DOK6: variants seen among roughly 807,000 people sequenced by gnomAD.
DOK6 encodes downstream of tyrosine kinase 6.
DOK6 carries 22 observed loss-of-function variants against 44.0 expected under a neutral mutation model. That is an observed-to-expected ratio of 0.50 (90% CI 0.36 to 0.71). The LOEUF is 0.71. Among genes scored for constraint, DOK6 ranks in the 30% least tolerant of loss-of-function variants. DOK6 has a pLI of 0.00. For missense variants in DOK6, 340 were observed against 416.4 expected (o/e 0.82, Z 1.60); for synonymous variants, 166 against 145.5 (o/e 1.14, Z -1.01).
chr18:69,575,112 T>C (rs1983209210), intron 2 of DOK6, among the ~76,000 whole-genome samples: 1 of 152,042 alleles, frequency 6.6e-6, no homozygotes, highest in Non-Finnish European at 1.5e-5. Context: ...TTTATACAAA[T>C]AAAACTTTTT....
chr18:69,557,899 C>A (rs1448941282), intron 1 of DOK6, among the ~76,000 whole-genome samples: 1 of 152,008 alleles, frequency 6.6e-6, no homozygotes, highest in Admixed American at 6.6e-5. Context: ...TTGAGATGCC[C>A]TTGAAAGCCA....
At chr18:69,431,337 A>AATC (rs1451877231) in intron 1 of DOK6, among the ~76,000 whole-genome samples, 2 of 152,206 alleles carry the variant, frequency 1.3e-5, no homozygotes, top group African/African-American at 4.8e-5. Context: ...CCCTTATCTG[A>AATC]ATCTCTGCAC....
intron 7 of DOK6, among the ~76,000 whole-genome samples, chr18:69,815,898 A>G (rs4891776): frequency 0.86 from 131,140 of 152,062 alleles, 58,119 homozygotes; most frequent in Non-Finnish European, 0.97. Flanking sequence ...GTATATTTAC[A>G]TAAAGATCAT....
intron 7 of DOK6, among the ~76,000 whole-genome samples, chr18:69,775,000 C>G (rs1340342175): frequency 6.6e-6 from 1 of 151,478 alleles, no homozygotes. Context: ...AACAGCAAAC[C>G]AGATTGACAT....
chr18:69,714,724 A>C (rs2144718332), intron 5 of DOK6, among the ~76,000 whole-genome samples: 1 of 152,360 alleles, frequency 6.6e-6, no homozygotes, highest in East Asian at 1.9e-4. Context: ...ATTTAGAAGG[A>C]AATTTTGCAA....
chr18:69,785,065 T>TGATGA (rs1980389944), intron 7 of DOK6, among the ~76,000 whole-genome samples: 1 of 152,180 alleles, frequency 6.6e-6, no homozygotes, highest in South Asian at 2.1e-4. Flanking sequence ...TGACGGTCTG[T>TGATGA]GATGACTTGC....
At chr18:69,724,617 T>C (rs1978297116) in intron 5 of DOK6, among the ~76,000 whole-genome samples, 1 of 152,174 alleles carries the variant, frequency 6.6e-6, no homozygotes, top group South Asian at 2.1e-4. Context: ...TGGTGCTGGG[T>C]TGAGAAAAGT....
chr18:69,404,017 A>G (rs1916151104), intron 1 of DOK6, among the ~76,000 whole-genome samples: 1 of 152,246 alleles, frequency 6.6e-6, no homozygotes, highest in Non-Finnish European at 1.5e-5. Context: ...TTGAACATGC[A>G]TAGATATTTG....
intron 1 of DOK6, among the ~76,000 whole-genome samples, chr18:69,470,450 G>A (rs1440387545): frequency 6.6e-6 from 1 of 152,130 alleles, no homozygotes; most frequent in Non-Finnish European, 1.5e-5. Flanking sequence ...GGAGTGGGTG[G>A]GAACCAAACA....
At chr18:69,459,790 G>C (rs1465461466) in intron 1 of DOK6, among the ~76,000 whole-genome samples, 1 of 152,132 alleles carries the variant, frequency 6.6e-6, no homozygotes, top group African/African-American at 2.4e-5. Flanking sequence ...TACTTTTGGT[G>C]CTTGGCTTGA....
intron 7 of DOK6, among the ~76,000 whole-genome samples, chr18:69,770,097 A>G (rs2144765144): frequency 6.6e-6 from 1 of 152,168 alleles, no homozygotes; most frequent in East Asian, 1.9e-4. Flanking sequence ...GATCGTTAGG[A>G]GTGGCGTTTT....
chr18:69,847,419 A>G lies in DOK6; in HGVS notation c.*6036A>G, dbSNP rs377556741. On this transcript the variant is annotated 3_prime_UTR_variant, in exon 8 of 8. Transcript: ENST00000382713. Reference sequence around the variant, plus strand: ...TTGAATTGTTCTATTAATTCCCTCAAGAGACCCACAGCCTCAAAAGAGTTG... The same window carrying G: ...TTGAATTGTTCTATTAATTCCCTCAGGAGACCCACAGCCTCAAAAGAGTTG... The G allele has an allele frequency of 6.6e-6, 1 of 152,212 alleles. No individual in the cohort carries two copies. The highest frequency in any genetic ancestry group is 2.4e-5 in the African/African-American group (1 of 41,450). The allele number at this position is 152,212 out of a possible 1,614,324, so 9.4% of individuals were successfully genotyped here.
chr18:69,728,852 A>G (rs1294448030), intron 5 of DOK6, among the ~76,000 whole-genome samples: 2 of 152,224 alleles, frequency 1.3e-5, no homozygotes, highest in Non-Finnish European at 2.9e-5. Context: ...GCAAACACAA[A>G]AACAGAAGAA....
At chr18:69,495,946 A>G (rs1020302360) in intron 1 of DOK6, among the ~76,000 whole-genome samples, 1 of 152,182 alleles carries the variant, frequency 6.6e-6, no homozygotes, top group Non-Finnish European at 1.5e-5. Flanking sequence ...CTGAGATTTG[A>G]GCGGGTGCCG....
chr18:69,625,577 G>C (rs1276347442), intron 3 of DOK6, among the ~76,000 whole-genome samples: 1 of 152,198 alleles, frequency 6.6e-6, no homozygotes, highest in Non-Finnish European at 1.5e-5. Flanking sequence ...TAAGGTTCAT[G>C]TGTGTAAGTT....
chr18:69,663,985 C>T (rs1985593711), intron 3 of DOK6, among the ~76,000 whole-genome samples: 2 of 151,856 alleles, frequency 1.3e-5, no homozygotes, highest in South Asian at 2.1e-4. Context: ...TTTCATAAGC[C>T]GTTAATTTTT....
At chr18:69,807,416 CA>C (rs1031541023) in intron 7 of DOK6, among the ~76,000 whole-genome samples, 5 of 151,794 alleles carry the variant, frequency 3.3e-5, no homozygotes, top group African/African-American at 9.7e-5. Flanking sequence ...AAACAATTAG[CA>C]AAATAGCAGT....
At chr18:69,651,985 A>G (rs1254002533) in intron 3 of DOK6, among the ~76,000 whole-genome samples, 2 of 152,224 alleles carry the variant, frequency 1.3e-5, no homozygotes, top group Admixed American at 1.3e-4. Flanking sequence ...CCAAAAGAGC[A>G]ATGGGAGAAT....
chr18:69,695,388 A>C (rs4891769), intron 4 of DOK6, among the ~76,000 whole-genome samples: 25,399 of 152,230 alleles, frequency 0.17, 2,443 homozygotes, highest in Admixed American at 0.28. Flanking sequence ...TGGGTTCTTA[A>C]ATTTAAAAAG....
Sources: gnomAD v4.1 joint callset for allele counts (sites outside exome capture counted in the v4.1 genomes callset) on GRCh38, gnomAD v4.1.1 for gene constraint, MANE v1.5 for transcripts, NCBI Gene and HGNC (gene_info 2026-07-23, HGNC 2026-07-21) for gene names.